Variants in VWDE observed in about 807,000 individuals in gnomAD.
The protein encoded by VWDE is von Willebrand factor D and EGF domains.
In VWDE, 207 loss-of-function variants were observed where a neutral mutation model predicts 178.4. The ratio of observed to expected loss-of-function variants is 1.16; its 90% confidence interval spans 1.04 to 1.30. VWDE has a LOEUF of 1.30. Among genes scored for constraint, VWDE ranks in the 50% most tolerant of loss-of-function variants. VWDE has a pLI of 0.00. For synonymous variants in VWDE, 738 were observed against 651.4 expected, an observed-to-expected ratio of 1.13 and a Z score of -2.02; for missense variants, 2,287 against 1,901.3, an observed-to-expected ratio of 1.20 and a Z score of -3.77.
At chr7:12,371,001 G>C (rs1297887526) in intron 10 of VWDE, 137 bp from the exon 11 acceptor site, 18 of 745,590 alleles carry the variant, frequency 2.4e-5, no homozygotes, top group Non-Finnish European at 3.3e-5. Context: ...TGATTTTCTT[G>C]ACTACAACTT....
At chr7:12,392,931 T>C (rs1363168901) in intron 2 of VWDE, among the ~76,000 whole-genome samples, 1 of 151,954 alleles carries the variant, frequency 6.6e-6, no homozygotes, top group African/African-American at 2.4e-5. Context: ...GAAAAAAAGG[T>C]ATGCTGGCTG....
rs548566837 is a variant in VWDE, at chr7:12,351,603, G to T, written c.3856C>A (p.His1286Asn). 6.5e-7 allele frequency: 1 copy of T among 1,549,460 alleles called. No individual in the cohort carries two copies. Residue 1286 changes from histidine (H) to asparagine (N), a missense_variant, in exon 19 of 29, where the codon CAT becomes AAT. By Grantham distance (68) the His-to-Asn change is moderately conservative (BLOSUM62 1). Transcript: ENST00000275358. The stretch of plus-strand genomic sequence containing the variant: ...GCATTTCCACTTGTTGGCTTAACAT[G>T]CCTCTTTCTCCCTTGGGCATTTTTA... Reference protein sequence around the residue: ...DDKNAQGRKRHVKPTSGNAFT... With the variant: ...DDKNAQGRKRNVKPTSGNAFT...
chr7:12,369,426 G>A (rs1783029587), intron 12 of VWDE, 119 bp downstream of exon 12: 2 of 1,265,160 alleles, frequency 1.6e-6, no homozygotes, highest in South Asian at 1.7e-5. Flanking sequence ...ATGATTTGGA[G>A]GTTTTCTCTA....
intron 27 of VWDE, among the ~76,000 whole-genome samples, chr7:12,333,936 A>AATTTAAAAG (rs1393109172): frequency 6.6e-6 from 1 of 152,132 alleles, no homozygotes; most frequent in Admixed American, 6.6e-5. Context: ...ATTAAGCAAA[A>AATTTAAAAG]ATTTAAAAGA....
chr7:12,364,227 T>A (rs192512044), intron 13 of VWDE, among the ~76,000 whole-genome samples: 1 of 152,018 alleles, frequency 6.6e-6, no homozygotes, highest in Non-Finnish European at 1.5e-5. Flanking sequence ...TGTGTATAAG[T>A]GTACATACAT....
At chr7:12,394,837 A>C (rs1784551543) in intron 1 of VWDE, among the ~76,000 whole-genome samples, 1 of 152,144 alleles carries the variant, frequency 6.6e-6, no homozygotes, top group Admixed American at 6.6e-5. Context: ...CTAACTAAAA[A>C]ATTATCAAAT....
At chr7:12,379,702 A>G in intron 5 of VWDE, 136 bp from the exon 6 acceptor site, 1 of 572,714 alleles carries the variant, frequency 1.7e-6, no homozygotes, top group Non-Finnish European at 2.8e-6. Flanking sequence ...ATAATTTAAA[A>G]GCTTACTTGA....
chr7:12,374,549 C>A, intron 9 of VWDE, 140 bp downstream of exon 9: 1 of 565,922 alleles, frequency 1.8e-6, no homozygotes, highest in South Asian at 3.0e-5. Context: ...AAACTAGTAT[C>A]TTGAAACAAG....
At chr7:12,396,359 A>T (rs62448592) in intron 1 of VWDE, among the ~76,000 whole-genome samples, 14,611 of 152,184 alleles carry the variant, frequency 0.096, 997 homozygotes, top group Non-Finnish European at 0.14. Flanking sequence ...ATAAACATGC[A>T]TAACCCTTGG....
chr7:12,377,742 CTAA>C, intron 7 of VWDE, 31 bp downstream of exon 7: 3 of 1,302,872 alleles, frequency 2.3e-6, no homozygotes, highest in Non-Finnish European at 3.0e-6. Flanking sequence ...TGTTTGCAAT[CTAA>C]TAATAAGATA....
chr7:12,387,153 A>G (rs116433536), intron 3 of VWDE, among the ~76,000 whole-genome samples: 1,944 of 152,266 alleles, frequency 0.013, 36 homozygotes, highest in African/African-American at 0.044. Flanking sequence ...ACACTGAAAT[A>G]AAATTATATG....
At position 12,370,063 on chromosome 7, in the gene VWDE, T is replaced by C. The variant is rs1783091110; in HGVS notation, c.2243A>G (p.Asn748Ser). ...HSQEMRYNRQ[N>S]RWKRQNFHEF... ...ATGAAAGTTCTGCCGTTTCCATCTG[T>C]TTTGTCGATTGTACCTCATTTCTTG... Residue 748 changes from asparagine to serine, a missense_variant, in exon 12 of 29, where the codon AAC (asparagine) becomes AGC (serine). Physicochemically the swap from Asn to Ser is conservative, Grantham distance 46. Coordinates refer to ENST00000275358, the MANE Select transcript of VWDE (RefSeq NM_001135924.3). The C allele has an allele frequency of 1.9e-6, 3 of 1,551,538 alleles. No homozygotes were observed. The highest frequency in any genetic ancestry group is 2.6e-6 in the Non-Finnish European group (3 of 1,146,904).
intron 10 of VWDE, 112 bp from the exon 11 acceptor site, chr7:12,370,976 A>C: frequency 1.2e-6 from 1 of 841,506 alleles, no homozygotes. Context: ...TCAATATAAA[A>C]AAAGAATAAA....
intron 4 of VWDE, among the ~76,000 whole-genome samples, chr7:12,381,426 T>C (rs1447653897): frequency 1.3e-5 from 2 of 152,128 alleles, no homozygotes; most frequent in Non-Finnish European, 2.9e-5. Flanking sequence ...GGTAAATTTT[T>C]AAAAGAAGAT....
rs1782569308 is a variant in VWDE, at chr7:12,361,376, C to T, written c.3044G>A (p.Trp1015Ter). ...DLVGGKPTGK[W>*]QLKVSNDGYK... ...CTTTTTATTTTTTACCTTCAACTGC[C>T]ACTTCCCAGTTGGTTTCCCACCCAC... Residue 1015 changes from tryptophan (W) to a stop codon, truncating the protein, a stop_gained, in exon 14 of 29, where the codon TGG becomes TAG. Coordinates refer to ENST00000275358, the MANE Select transcript of VWDE (RefSeq NM_001135924.3). LOFTEE classifies it high-confidence loss of function. The T allele has an allele frequency of 2.6e-6, 4 of 1,547,134 alleles. No individual in the cohort carries two copies. The African/African-American group carries it at 5.5e-5, about 21-fold the overall frequency.
intron 19 of VWDE, among the ~76,000 whole-genome samples, chr7:12,345,487 C>A (rs1018810173): frequency 6.6e-6 from 1 of 152,146 alleles, no homozygotes. Flanking sequence ...ACCAAGAAAA[C>A]AAGGCTAGCC....
chr7:12,343,445 T>C (rs1749840374), intron 21 of VWDE, among the ~76,000 whole-genome samples: 2 of 152,154 alleles, frequency 1.3e-5, no homozygotes, highest in Non-Finnish European at 2.9e-5. Context: ...AAAAGTGAGA[T>C]TTGAACTTAC....
chr7:12,346,161 G>C (rs73296514), intron 19 of VWDE, among the ~76,000 whole-genome samples: 2,584 of 152,144 alleles, frequency 0.017, 66 homozygotes, highest in African/African-American at 0.059. Flanking sequence ...GGGTACACAA[G>C]ATAACCCAGA....
chr7:12,339,786 C>T (rs974470628), intron 24 of VWDE, among the ~76,000 whole-genome samples: 18 of 151,910 alleles, frequency 1.2e-4, no homozygotes, highest in African/African-American at 2.7e-4. Context: ...CCCATTATTC[C>T]GAAAATAACC....
Sources: gnomAD v4.1 joint callset for allele counts (sites outside exome capture counted in the v4.1 genomes callset) on GRCh38, gnomAD v4.1.1 for gene constraint, MANE v1.5 for transcripts, NCBI Gene and HGNC (gene_info 2026-07-23, HGNC 2026-07-21) for gene names.